The following UACA variants were observed in gnomAD, a reference collection of about 807,000 sequenced individuals.
UACA encodes nuclear membrane binding protein.
Under a neutral mutation model 160.5 loss-of-function variants are expected in UACA, and 112 were observed. The observed-to-expected ratio is 0.70, with a 90% CI of 0.60 to 0.82. UACA has a LOEUF of 0.82. Among genes scored for constraint, UACA ranks in the 40% least tolerant of loss-of-function variants. The probability of loss-of-function intolerance (pLI) is 0.00; values close to 1 mark genes in which losing one functional copy is unlikely to be tolerated. For missense variants in UACA, 1,574 were observed against 1,614.6 expected (o/e 0.97, Z 0.43); for synonymous variants, 557 against 568.4 (o/e 0.98, Z 0.29).
intron 15 of UACA, among the ~76,000 whole-genome samples, chr15:70,669,835 C>T (rs1450581006): frequency 6.6e-6 from 1 of 152,166 alleles, no homozygotes; most frequent in Non-Finnish European, 1.5e-5. Flanking sequence ...TTTTATGGTA[C>T]ATAATGTGCT....
intron 17 of UACA, chr15:70,661,160 C>G (rs564816003): frequency 6.6e-6 from 1 of 152,166 alleles, no homozygotes; most frequent in East Asian, 1.9e-4. Flanking sequence ...CTTTCACCTA[C>G]CAAAATAGCA....
At chr15:70,749,903 C>T (rs531420716) in intron 1 of UACA, among the ~76,000 whole-genome samples, 55 of 152,086 alleles carry the variant, frequency 3.6e-4, no homozygotes, top group Non-Finnish European at 7.4e-4. Flanking sequence ...AAATTGCTAA[C>T]ATACAGGAAG....
rs1470619919 is a variant in UACA, at chr15:70,687,595, A to G, written c.547T>C (p.Cys183Arg). 1 of 1,613,962 alleles carries G rather than the reference A, an allele frequency of 6.2e-7. No homozygotes were observed. Among genetic ancestry groups the G allele is most frequent in the Non-Finnish European group, 8.5e-7 (1 of 1,179,862 alleles). The change falls in exon 7 of 19, where the codon TGT becomes CGT. Residue 183 changes from cysteine to arginine, a missense_variant. Coordinates refer to ENST00000322954, the MANE Select transcript of UACA (RefSeq NM_018003.4). ...LATQMSRPTICQLLIDRGADV... is the reference protein window; with the variant it reads ...LATQMSRPTIRQLLIDRGADV... ...GCTCCTCTATCTATCAGCAGTTGAC[A>G]TATTGTTGGCCTACTCATCTGAGTA...
At chr15:70,701,170 T>C (rs1483529411) in intron 1 of UACA, among the ~76,000 whole-genome samples, 1 of 152,206 alleles carries the variant, frequency 6.6e-6, no homozygotes, top group Non-Finnish European at 1.5e-5. Context: ...GAATTGTCTC[T>C]AAATTACTTA....
At chr15:70,680,475 T>C (rs1225573060) in intron 9 of UACA, among the ~76,000 whole-genome samples, 1 of 152,212 alleles carries the variant, frequency 6.6e-6, no homozygotes, top group African/African-American at 2.4e-5. Context: ...GATCAAGTTT[T>C]TAAACTATCA....
intron 1 of UACA, among the ~76,000 whole-genome samples, chr15:70,729,452 C>T (rs1361144098): frequency 1.3e-5 from 2 of 152,184 alleles, no homozygotes; most frequent in African/African-American, 4.8e-5. Flanking sequence ...CCAAATCCCA[C>T]ATGTTCCTGC....
At chr15:70,753,931 G>A (rs1341969479) in intron 1 of UACA, 5 of 330,072 alleles carry the variant, frequency 1.5e-5, no homozygotes, top group African/African-American at 4.4e-5. Flanking sequence ...TCAGCCTCCC[G>A]AGTAGCTGAG....
intron 1 of UACA, among the ~76,000 whole-genome samples, chr15:70,719,504 G>A (rs1472457985): frequency 6.6e-6 from 1 of 152,162 alleles, no homozygotes; most frequent in Non-Finnish European, 1.5e-5. Flanking sequence ...ACATCTCAAC[G>A]AGTTGAGGAT....
intron 1 of UACA, among the ~76,000 whole-genome samples, chr15:70,727,041 A>G (rs1899165048): frequency 6.6e-6 from 1 of 152,178 alleles, no homozygotes; most frequent in African/African-American, 2.4e-5. Context: ...TTTTGCCTTC[A>G]TCTTAAACTC....
intron 1 of UACA, among the ~76,000 whole-genome samples, chr15:70,745,443 AAAG>A (rs1899676905): frequency 1.3e-5 from 1 of 78,608 alleles, no homozygotes; most frequent in South Asian, 5.6e-4. Flanking sequence ...CAAAAAAGAA[AAAG>A]AAAAAAAAAA....
At chr15:70,706,856 T>C (rs1176649970) in intron 1 of UACA, among the ~76,000 whole-genome samples, 1 of 152,202 alleles carries the variant, frequency 6.6e-6, no homozygotes, top group Non-Finnish European at 1.5e-5. Context: ...ACCGTTAAGA[T>C]GTCAATACCA....
At chr15:70,750,951 T>C (rs890266090) in intron 1 of UACA, among the ~76,000 whole-genome samples, 8 of 152,354 alleles carry the variant, frequency 5.3e-5, no homozygotes, top group African/African-American at 1.9e-4. Flanking sequence ...TGGAAGTACG[T>C]AGAGATGGTG....
intron 1 of UACA, among the ~76,000 whole-genome samples, chr15:70,735,324 A>G (rs1037983056): frequency 6.6e-6 from 1 of 151,730 alleles, no homozygotes; most frequent in Non-Finnish European, 1.5e-5. Flanking sequence ...ACAAACATGC[A>G]TATGTACCCC....
At chr15:70,675,816 T>C (rs1897288225) in intron 13 of UACA, among the ~76,000 whole-genome samples, 5 of 152,198 alleles carry the variant, frequency 3.3e-5, no homozygotes, top group Admixed American at 3.3e-4. Context: ...GTGGGGCCTT[T>C]TGGAAACTGA....
intron 5 of UACA, among the ~76,000 whole-genome samples, chr15:70,689,298 G>A (rs1454299500): frequency 6.6e-6 from 1 of 152,134 alleles, no homozygotes; most frequent in African/African-American, 2.4e-5. Context: ...TGATATTGGA[G>A]TTCTTTTGTT....
At chr15:70,740,767 C>T (rs190871449) in intron 1 of UACA, among the ~76,000 whole-genome samples, 13 of 152,078 alleles carry the variant, frequency 8.5e-5, no homozygotes, top group African/African-American at 2.9e-4. Flanking sequence ...GCTGGCCGGG[C>T]GCGGTGGCTC....
intron 15 of UACA, among the ~76,000 whole-genome samples, chr15:70,670,739 C>A (rs1367687866): frequency 6.6e-6 from 1 of 151,724 alleles, no homozygotes; most frequent in Admixed American, 6.6e-5. Context: ...TTTATATGGG[C>A]AAATATGAAG....
chr15:70,662,706 C>T (rs2140888733), intron 17 of UACA, among the ~76,000 whole-genome samples: 1 of 152,240 alleles, frequency 6.6e-6, no homozygotes, highest in South Asian at 2.1e-4. Context: ...GAAATAATGC[C>T]ACATATCTAC....
intron 1 of UACA, among the ~76,000 whole-genome samples, chr15:70,745,095 C>T (rs981522167): frequency 3.3e-5 from 5 of 152,048 alleles, no homozygotes; most frequent in Admixed American, 6.6e-5. Flanking sequence ...TGTGAAGGAC[C>T]TCTTCAAGGA....
Sources: gnomAD v4.1 joint callset for allele counts (sites outside exome capture counted in the v4.1 genomes callset) on GRCh38, gnomAD v4.1.1 for gene constraint, MANE v1.5 for transcripts, NCBI Gene and HGNC (gene_info 2026-07-23, HGNC 2026-07-21) for gene names.